Variants in TGM6 observed in about 807,000 individuals in gnomAD.
TGM6 encodes transglutaminase 6, also known as protein-glutamine gamma-glutamyltransferase 6.
Under a neutral mutation model 77.5 loss-of-function variants are expected in TGM6, and 74 were observed. The observed-to-expected ratio is 0.96, with a 90% CI of 0.79 to 1.16. The LOEUF is 1.16. Ranked by LOEUF, TGM6 falls within the 50% of genes most tolerant of loss-of-function variation. The pLI is 0.00. For missense variants in TGM6, 968 were observed against 940.2 expected, an observed-to-expected ratio of 1.03 and a Z score of -0.39; for synonymous variants, 383 against 378.9, an observed-to-expected ratio of 1.01 and a Z score of -0.12.
At chr20:2,409,443 G>A (rs1189068329) in intron 9 of TGM6, among the ~76,000 whole-genome samples, 1 of 152,182 alleles carries the variant, frequency 6.6e-6, no homozygotes, top group Non-Finnish European at 1.5e-5. Flanking sequence ...TGGATGTGGT[G>A]GCTCACGCCT....
chr20:2,393,707 T>C (rs1236885865), intron 1 of TGM6, among the ~76,000 whole-genome samples: 1 of 151,808 alleles, frequency 6.6e-6, no homozygotes, highest in African/African-American at 2.4e-5. Flanking sequence ...TGTATTATAG[T>C]AGAGATGAGG....
chr20:2,395,776 T>A (rs1370039649), intron 3 of TGM6, among the ~76,000 whole-genome samples: 1 of 152,210 alleles, frequency 6.6e-6, no homozygotes, highest in Non-Finnish European at 1.5e-5. Flanking sequence ...AAAATAACAG[T>A]GCCTACCTCT....
At chr20:2,420,118 G>A (rs918470552) in intron 10 of TGM6, among the ~76,000 whole-genome samples, 4 of 152,204 alleles carry the variant, frequency 2.6e-5, no homozygotes, top group Non-Finnish European at 5.9e-5. Context: ...GGCGGCATGC[G>A]CCTGTAGTCC....
At chr20:2,417,639 T>A in intron 10 of TGM6, 66 bp downstream of exon 10, 1 of 1,503,632 alleles carries the variant, frequency 6.7e-7, no homozygotes, top group African/African-American at 1.4e-5. Flanking sequence ...GTTGTGGAGG[T>A]CAGAGGGATT....
chr20:2,421,489 T>C (rs1211445411), intron 10 of TGM6, among the ~76,000 whole-genome samples: 2 of 152,242 alleles, frequency 1.3e-5, no homozygotes, highest in African/African-American at 4.8e-5. Flanking sequence ...GACATTGTAA[T>C]AGGTGTGTAA....
intron 6 of TGM6, 115 bp from the exon 7 acceptor site, chr20:2,400,191 A>G: frequency 2.0e-6 from 3 of 1,465,778 alleles, no homozygotes; most frequent in South Asian, 2.4e-5. Flanking sequence ...CACACAGACA[A>G]AGATGGGGTG....
rs1425091558 is a variant in TGM6 at position 2,430,941 on chromosome 20, A to G, written c.1881A>G (p.Thr627=). The G allele has an allele frequency of 7.4e-6, 12 of 1,614,064 alleles. No homozygotes were observed. The highest frequency in any genetic ancestry group is 1.3e-5 in the African/African-American group (1 of 74,920). ...MVGVAVTVEV[T]VVNPLIERVK... ...GAGTGGCAGTTACAGTGGAAGTGAC[A>G]GTAGTCAACCCCCTCATAGAGAGAG... Residue 627 remains threonine (T), a synonymous_variant, in exon 12 of 13, where the codon ACA becomes ACG. Coordinates refer to ENST00000202625, the MANE Select transcript of TGM6 (RefSeq NM_198994.3).
At chr20:2,405,712 C>G (rs532017147) in intron 9 of TGM6, among the ~76,000 whole-genome samples, 1 of 152,288 alleles carries the variant, frequency 6.6e-6, no homozygotes, top group Non-Finnish European at 1.5e-5. Context: ...TTCAACACAG[C>G]TTCTTTCTGA....
intron 7 of TGM6, among the ~76,000 whole-genome samples, chr20:2,401,883 C>A (rs1263784875): frequency 1.3e-5 from 2 of 152,178 alleles, no homozygotes; most frequent in African/African-American, 4.8e-5. Context: ...CAGTGAATAA[C>A]CTTGTTCAAA....
chr20:2,398,078 T>A (rs768107215), intron 5 of TGM6, 32 bp downstream of exon 5: 3 of 1,613,994 alleles, frequency 1.9e-6, no homozygotes, highest in East Asian at 2.2e-5. Context: ...GCACATGTAC[T>A]TCCTCAAGGA....
intron 9 of TGM6, among the ~76,000 whole-genome samples, chr20:2,411,913 A>G (rs2084786515): frequency 6.6e-6 from 1 of 152,244 alleles, no homozygotes; most frequent in South Asian, 2.1e-4. Context: ...ACAATCCAGC[A>G]ATTCAGCTTC....
At chr20:2,391,199 T>C (rs1275394677) in intron 1 of TGM6, among the ~76,000 whole-genome samples, 1 of 150,136 alleles carries the variant, frequency 6.7e-6, no homozygotes, top group African/African-American at 2.5e-5. Context: ...ATCTAGAAAA[T>C]GAAAGGGGCC....
At position 2,380,923 on chromosome 20, in the gene TGM6, C is replaced by A; in HGVS notation, c.-46C>A. ...GACGCGCCACACTGTCCTGACGGTG[C>A]ACACACTGCTGTGTGGAGGAACAGA... On this transcript the variant is annotated 5_prime_UTR_variant, in exon 1 of 13. Coordinates refer to ENST00000202625, the MANE Select transcript of TGM6 (RefSeq NM_198994.3). 6.2e-7 allele frequency: 1 copy of A among 1,600,158 alleles called. No homozygotes were observed. Among genetic ancestry groups the A allele is most frequent in the Non-Finnish European group, 8.5e-7 (1 of 1,175,226 alleles).
At position 2,394,549 on chromosome 20, in the gene TGM6, C is replaced by G. The variant is rs1033384506; in HGVS notation, c.105C>G (p.Gly35=). 6.2e-7 allele frequency: 1 copy of G among 1,611,986 alleles called. No homozygotes were observed. Among genetic ancestry groups the G allele is most frequent in the African/African-American group, 1.3e-5 (1 of 74,852 alleles). ...GCCCTGAGCTGGTGGTTCGCAGGGG[C>G]CAGTCGTTCAGCCTCACGCTGGAGC... is the stretch of plus-strand genomic sequence containing the variant. The part of the protein sequence containing the change: ...YPCPELVVRR[G]QSFSLTLELS... Residue 35 remains glycine (G), a synonymous_variant, in exon 2 of 13, where the codon GGC becomes GGG. Coordinates refer to ENST00000202625, the MANE Select transcript of TGM6 (RefSeq NM_198994.3).
chr20:2,417,189 A>T, intron 9 of TGM6, 43 bp from the exon 10 acceptor site: 1 of 1,542,132 alleles, frequency 6.5e-7, no homozygotes, highest in Non-Finnish European at 8.8e-7. Flanking sequence ...AAATTAAAGG[A>T]GCAAGGGGGT....
intron 9 of TGM6, among the ~76,000 whole-genome samples, chr20:2,414,132 G>A (rs1215550774): frequency 6.6e-6 from 1 of 152,078 alleles, no homozygotes; most frequent in Non-Finnish European, 1.5e-5. Flanking sequence ...AGCACCTTGA[G>A]AGGCCAAGGC....
chr20:2,420,193 C>G (rs1293181559), intron 10 of TGM6, among the ~76,000 whole-genome samples: 1 of 151,790 alleles, frequency 6.6e-6, no homozygotes, highest in Non-Finnish European at 1.5e-5. Flanking sequence ...TGCAGTGAGC[C>G]GAGATCGCGC....
chr20:2,394,347 A>G (rs2084647290), intron 1 of TGM6, 105 bp from the exon 2 acceptor site: 1 of 1,300,530 alleles, frequency 7.7e-7, no homozygotes, highest in Admixed American at 1.7e-5. Flanking sequence ...GATAAATAGC[A>G]GCTGGATGAA....
chr20:2,390,358 T>A (rs1035960222), intron 1 of TGM6, among the ~76,000 whole-genome samples: 2 of 152,290 alleles, frequency 1.3e-5, no homozygotes, highest in Admixed American at 6.5e-5. Flanking sequence ...CATTTAAAAC[T>A]GTTTCTTATG....
Sources: allele counts gnomAD v4.1 joint callset (sites outside exome capture counted in the v4.1 genomes callset), GRCh38; gene constraint gnomAD v4.1.1; transcripts MANE v1.5; gene names NCBI Gene and HGNC (gene_info 2026-07-23, HGNC 2026-07-21).